Variants in GPC2 observed in about 807,000 individuals in gnomAD.
The protein encoded by GPC2 is glypican-2.
In GPC2, 42 loss-of-function variants were observed where a neutral mutation model predicts 57.3. That is an observed-to-expected ratio of 0.73 (90% CI 0.57 to 0.95). GPC2 has a LOEUF of 0.95. Among genes scored for constraint, GPC2 ranks in the 40% least tolerant of loss-of-function variants. The pLI is 0.00. For synonymous variants in GPC2, 364 were observed against 343.4 expected (o/e 1.06, Z -0.66); for missense variants, 745 against 793.6 (o/e 0.94, Z 0.74).
rs775597171 is a variant in GPC2, at chr7:100,174,784, G to T, written c.649-19C>A. 36 of 1,607,196 alleles carry T rather than the reference G, an allele frequency of 2.2e-5. No homozygotes were observed. The highest frequency in any genetic ancestry group is 3.1e-5 in the Non-Finnish European group (36 of 1,174,424). ...GGGTTATCTGGGAGAAGGCAAAGAA[G>T]GTGAGAAAAACCACAAGGTTGTTAT... On this transcript the variant is annotated intron_variant, in intron 3 of 9. Coordinates refer to ENST00000292377, the MANE Select transcript of GPC2 (RefSeq NM_152742.3).
rs868567033 is a variant in GPC2 at position 100,171,632 on chromosome 7, G to T, written c.1217C>A (p.Ala406Asp). The T allele has an allele frequency of 1.3e-6, 2 of 1,530,710 alleles. No homozygotes were observed. The highest frequency in any genetic ancestry group is 4.0e-5 in the Admixed American group (2 of 50,474). The allele number at this position is 1,530,710 out of a possible 1,614,324, so 94.8% of individuals were successfully genotyped here. ...ERLARMRGFW[A>D]RLSLTVCGDS... ...TCCGCACACCGTCAGGGACAGCCGG[G>T]CCCAGAAGCCCCGCATCCGGGCCAG... Residue 406 changes from alanine (A) to aspartate (D), a missense_variant, in exon 8 of 10, where the codon GCC becomes GAC. Transcript: ENST00000292377. This position sits in a 1 kb window ranked among gnomAD's most constrained non-coding sequence, Gnocchi z 4.8.
At chr7:100,173,594 C>G in intron 5 of GPC2, 1 of 294,926 alleles carries the variant, frequency 3.4e-6, no homozygotes. Flanking sequence ...TCTTTCTTTT[C>G]TTTCTTTCTT....
At position 100,171,602 on chromosome 7, in the gene GPC2, G is replaced by T; in HGVS notation, c.1247C>A (p.Ser416Tyr). Residue 416 changes from serine to tyrosine, a missense_variant, in exon 8 of 10, where the codon TCT becomes TAT. By Grantham distance (144) the Ser-to-Tyr change is moderately radical. This residue lies in a region of GPC2 where 607 missense variants were observed against 603.9 expected (regional missense o/e 1.01). Coordinates refer to ENST00000292377, the MANE Select transcript of GPC2 (RefSeq NM_152742.3). This position sits in a 1 kb window ranked among gnomAD's most constrained non-coding sequence, Gnocchi z 4.8. The part of the protein sequence containing the change: ...ARLSLTVCGD[S>Y]RMAADASLEA... ...CAGCGAGGCGTCCGCTGCCATGCGA[G>T]AGTCTCCGCACACCGTCAGGGACAG... 1 of 1,526,540 alleles carries T rather than the reference G, an allele frequency of 6.6e-7. No individual in the cohort carries two copies. The highest frequency in any genetic ancestry group is 8.7e-7 in the Non-Finnish European group (1 of 1,149,626). 94.6% of individuals were successfully genotyped at this position (1,526,540 alleles called of 1,614,324 possible).
chr7:100,175,788 C>T lies in GPC2; in HGVS notation c.432G>A (p.Leu144=), dbSNP rs953917051. The T allele has an allele frequency of 4.3e-6, 7 of 1,613,980 alleles. No individual in the cohort carries two copies. The highest frequency in any genetic ancestry group is 5.9e-6 in the Non-Finnish European group (7 of 1,180,028). Residue 144 remains leucine, a synonymous_variant, in exon 3 of 10, where the codon CTG becomes CTA. Transcript: ENST00000292377. ...CATAGAAGTCTCGCAGCCGAGAGAACAGGCCATTGAATATGAGGGCGTGCT... is the reference window on the plus strand; with the variant it reads ...CATAGAAGTCTCGCAGCCGAGAGAATAGGCCATTGAATATGAGGGCGTGCT... The part of the protein sequence containing the change: ...YAQHALIFNG[L]FSRLRDFYGE...
chr7:100,171,735 G>T lies in GPC2; in HGVS notation c.1170+44C>A, dbSNP rs1482032404. On this transcript the variant is annotated intron_variant, in intron 7 of 9. Coordinates refer to ENST00000292377, the MANE Select transcript of GPC2 (RefSeq NM_152742.3). The surrounding 1 kb of genome is among the most constrained non-coding windows in gnomAD (Gnocchi z 4.8). Reference sequence around the variant, plus strand: ...GAGCGCGACCCCCACAACCATCCCCGGCCCCGGGCCCCCCCGCCCCCAACT... The same window carrying T: ...GAGCGCGACCCCCACAACCATCCCCTGCCCCGGGCCCCCCCGCCCCCAACT... 2.4e-6 allele frequency: 3 copies of T among 1,262,982 alleles called. No individual in the cohort carries two copies. The highest frequency in any genetic ancestry group is 3.2e-6 in the Non-Finnish European group (3 of 925,642). The allele number at this position is 1,262,982 out of a possible 1,614,324, so 78.2% of individuals were successfully genotyped here. A position where few individuals can be genotyped will look rare whatever the true frequency, so the allele number is the denominator to read the frequency against.
intron 1 of GPC2, 76 bp downstream of exon 1, chr7:100,176,958 G>T (rs1223544882): frequency 9.4e-7 from 1 of 1,062,888 alleles, no homozygotes; most frequent in Non-Finnish European, 1.3e-6. Flanking sequence ...TGAAAAGGAA[G>T]AGAGTTATTG....
chr7:100,177,290 G>T lies in GPC2; in HGVS notation c.-91C>A. ...GAATCCGGTACTCGGCCGCGGGACC[G>T]CTCCGCGGGCCAGAGAAAGAGCGCT... On this transcript the variant is annotated 5_prime_UTR_variant, in exon 1 of 10. Coordinates refer to ENST00000292377, the MANE Select transcript of GPC2 (RefSeq NM_152742.3). 3 of 1,135,218 alleles carry T rather than the reference G, an allele frequency of 2.6e-6. No individual in the cohort carries two copies. The highest frequency in any genetic ancestry group is 1.7e-5 in the South Asian group (1 of 59,196). The allele number at this position is 1,135,218 out of a possible 1,614,324, so 70.3% of individuals were successfully genotyped here.
chr7:100,171,397 C>T lies in GPC2; in HGVS notation c.1350G>A (p.Gln450=), dbSNP rs866279394. The T allele has an allele frequency of 9.9e-6, 15 of 1,508,628 alleles. No homozygotes were observed. The highest frequency in any genetic ancestry group is 1.1e-5 in the Non-Finnish European group (12 of 1,129,508). 93.5% of individuals were successfully genotyped at this position (1,508,628 alleles called of 1,614,324 possible). The stretch of plus-strand genomic sequence containing the variant: ...CCACCTTGAGCTCGGGGTTGTTGAC[C>T]TGCTCGGCCGGGGAGCCCCCGACCA... ...PPVVGGSPAE[Q]VNNPELKVDA... Residue 450 remains glutamine, a synonymous_variant, in exon 9 of 10, where the codon CAG becomes CAA. Coordinates refer to ENST00000292377, the MANE Select transcript of GPC2 (RefSeq NM_152742.3). This position sits in a 1 kb window ranked among gnomAD's most constrained non-coding sequence, Gnocchi z 4.8.
chr7:100,173,256 C>T (rs186778007), intron 5 of GPC2, among the ~76,000 whole-genome samples: 174 of 152,208 alleles, frequency 1.1e-3, no homozygotes, highest in Non-Finnish European at 2.0e-3. Flanking sequence ...AAGCGTGAGC[C>T]ACCGTGCCTG....
intron 4 of GPC2, 100 bp from the exon 5 acceptor site, chr7:100,174,097 C>T: frequency 7.1e-6 from 8 of 1,122,888 alleles, no homozygotes; most frequent in Non-Finnish European, 9.8e-6. Flanking sequence ...CCCCACCCTA[C>T]ACCTAGGGTT....
chr7:100,177,348 T>A lies in GPC2; in HGVS notation c.-149A>T. 4 of 631,714 alleles carry A rather than the reference T, an allele frequency of 6.3e-6. No homozygotes were observed. In the South Asian group the frequency reaches 1.1e-4, roughly 17 times the overall value. The allele number at this position is 631,714 out of a possible 1,614,324, so 39.1% of individuals were successfully genotyped here. A position where few individuals can be genotyped will look rare whatever the true frequency, so the allele number is the denominator to read the frequency against. ...AAAACTGAATACCGAGCACGATAGCTGGACCAGGCGGCATCTGCCGAGACA... is the reference window on the plus strand; with the variant it reads ...AAAACTGAATACCGAGCACGATAGCAGGACCAGGCGGCATCTGCCGAGACA... On this transcript the variant is annotated 5_prime_UTR_variant, in exon 1 of 10. Coordinates refer to ENST00000292377, the MANE Select transcript of GPC2 (RefSeq NM_152742.3).
At chr7:100,175,021 T>C (rs1172705930) in intron 3 of GPC2, among the ~76,000 whole-genome samples, 2 of 152,160 alleles carry the variant, frequency 1.3e-5, no homozygotes, top group African/African-American at 4.8e-5. Context: ...AGAAATTGTG[T>C]ATCGGAACTA....
Position 100,170,254 on chromosome 7 carries a change from G to A in GPC2, c.1716C>T (p.Ala572=). 2 of 1,566,902 alleles carry A rather than the reference G, an allele frequency of 1.3e-6. No individual in the cohort carries two copies. The highest frequency in any genetic ancestry group is 1.7e-6 in the Non-Finnish European group (2 of 1,155,040). ...TQTILILSLS[A]LALLGPR ...GTTATCGAGGTCCAAGCAGGGCCAGGGCTGAGAGGGAGAGAATGAGGATGG... is the reference window on the plus strand; with the variant it reads ...GTTATCGAGGTCCAAGCAGGGCCAGAGCTGAGAGGGAGAGAATGAGGATGG... The change falls in exon 10 of 10, where the codon GCC becomes GCT. Residue 572 remains alanine (A), a synonymous_variant. Coordinates refer to ENST00000292377, the MANE Select transcript of GPC2 (RefSeq NM_152742.3).
intron 5 of GPC2, 46 bp downstream of exon 5, chr7:100,173,789 G>A: frequency 6.9e-6 from 10 of 1,455,442 alleles, no homozygotes; most frequent in Non-Finnish European, 8.3e-6. Context: ...GTGATTACAG[G>A]TGTGAGCCAC....
intron 6 of GPC2, 38 bp downstream of exon 6, chr7:100,172,049 C>T (rs376412749): frequency 2.4e-5 from 39 of 1,608,382 alleles, no homozygotes; most frequent in Non-Finnish European, 3.1e-5. Context: ...ACACCGTCCC[C>T]GCCCCGGGCC....
chr7:100,176,477 C>A (rs1799284861), intron 1 of GPC2, 112 bp from the exon 2 acceptor site: 1 of 1,005,026 alleles, frequency 9.9e-7, no homozygotes, highest in Non-Finnish European at 1.5e-6. Context: ...GGTCTCTTTT[C>A]TATTGTCTGC....
chr7:100,176,194 C>T lies in GPC2; in HGVS notation c.325+13G>A, dbSNP rs762061572. 2.5e-6 allele frequency: 4 copies of T among 1,591,636 alleles called. No individual in the cohort carries two copies. The African/African-American group carries it at 4.0e-5, about 16-fold the overall frequency. On this transcript the variant is annotated intron_variant, in intron 2 of 9. Transcript: ENST00000292377. ...GAGCTGTGAAGCTGAGTTTGGGGAC[C>T]CCAGGTCCTCACCATCAAATTTTCT...
chr7:100,172,833 A>AT (rs1395457153), intron 5 of GPC2, among the ~76,000 whole-genome samples: 2 of 146,872 alleles, frequency 1.4e-5, no homozygotes, highest in Admixed American at 1.4e-4. Context: ...ATATATATAT[A>AT]TTTTTTTCCG....
At chr7:100,172,782 T>C (rs1349486004) in intron 5 of GPC2, among the ~76,000 whole-genome samples, 2 of 148,632 alleles carry the variant, frequency 1.3e-5, no homozygotes, top group African/African-American at 4.9e-5. Context: ...TATGTGTGTG[T>C]ATATATATAC....
Sources: gnomAD v4.1 joint callset for allele counts (sites outside exome capture counted in the v4.1 genomes callset) on GRCh38, gnomAD v4.1.1 for gene constraint, gnomAD v4.1.1 regional missense constraint, Gnocchi (gnomAD v3.1) non-coding constraint, MANE v1.5 for transcripts, NCBI Gene and HGNC (gene_info 2026-07-23, HGNC 2026-07-21) for gene names.